The following B4GALT6 variants were observed in gnomAD, a reference collection of about 807,000 sequenced individuals.
B4GALT6 encodes beta-1,4-galactosyltransferase 6.
Under a neutral mutation model 46.3 loss-of-function variants are expected in B4GALT6, and 14 were observed. That is an observed-to-expected ratio of 0.30 (90% CI 0.20 to 0.47). The LOEUF is 0.47. B4GALT6 is among the 20% of genes least tolerant of loss of function. The probability of loss-of-function intolerance (pLI) is 0.99; values close to 1 mark genes in which losing one functional copy is unlikely to be tolerated. For synonymous variants in B4GALT6, 168 were observed against 162.0 expected (o/e 1.04, Z -0.28); for missense variants, 386 against 480.1 (o/e 0.80, Z 1.83).
At position 31,665,645 on chromosome 18, in the gene B4GALT6, G is replaced by T. The variant is rs540514768; in HGVS notation, c.232+611C>A. ...TAATCCCAGCTACTTGGGAGACTGAGGCGTGAGAATGGCGTGAACCTGGTA... is the reference window on the plus strand; with the variant it reads ...TAATCCCAGCTACTTGGGAGACTGATGCGTGAGAATGGCGTGAACCTGGTA... On this transcript the variant is annotated intron_variant, in intron 2 of 8. Coordinates refer to ENST00000306851, the MANE Select transcript of B4GALT6 (RefSeq NM_004775.5). Among the ~76,000 whole-genome samples, 11 of 152,278 alleles carry T rather than the reference G, an allele frequency of 7.2e-5. No homozygotes were observed. In the South Asian group the frequency reaches 2.1e-3, roughly 29 times the overall value.
chr18:31,655,523 G>A (rs1379037796), intron 3 of B4GALT6, among the ~76,000 whole-genome samples: 1 of 152,200 alleles, frequency 6.6e-6, no homozygotes, highest in Non-Finnish European at 1.5e-5. Context: ...AATCTCTCAG[G>A]CACCACAAGA....
At position 31,624,214 on chromosome 18, in the gene B4GALT6, C is replaced by T. The variant is rs2073656549; in HGVS notation, c.*1400G>A. 6.6e-6 allele frequency: 1 copy of T among 151,946 alleles called. No homozygotes were observed. Among genetic ancestry groups the T allele is most frequent in the Non-Finnish European group, 1.5e-5 (1 of 67,882 alleles). The allele number at this position is 151,946 out of a possible 1,614,324, so 9.4% of individuals were successfully genotyped here. On this transcript the variant is annotated 3_prime_UTR_variant, in exon 9 of 9. Coordinates refer to ENST00000306851, the MANE Select transcript of B4GALT6 (RefSeq NM_004775.5). The stretch of plus-strand genomic sequence containing the variant: ...CATGTAAGATATTACATATAGAAGA[C>T]ATTATGGCATCAGTGCACCAAATAA...
chr18:31,676,077 C>T (rs965185157), intron 1 of B4GALT6, among the ~76,000 whole-genome samples: 1 of 152,108 alleles, frequency 6.6e-6, no homozygotes, highest in African/African-American at 2.4e-5. Flanking sequence ...AATTCTCTAC[C>T]TTTGGTCTCT....
At chr18:31,723,453 G>A in the B4GALT6 span, among the ~76,000 whole-genome samples, 2 of 152,150 alleles carry the variant, frequency 1.3e-5, no homozygotes, top group Admixed American at 6.5e-5. Flanking sequence ...GTGCACACAG[G>A]GTAGACCTCT....
At chr18:31,719,158 A>G in the B4GALT6 span, 2 of 152,176 alleles carry the variant, frequency 1.3e-5, no homozygotes, top group Non-Finnish European at 2.9e-5. Flanking sequence ...AGAGATAAAT[A>G]GTTTTCTGCA....
intron 5 of B4GALT6, among the ~76,000 whole-genome samples, chr18:31,638,249 C>T (rs1328280914): frequency 5.3e-5 from 8 of 152,052 alleles, no homozygotes; most frequent in South Asian, 4.1e-4. Context: ...AGAATTTGGC[C>T]GGGCACAGTG....
rs116277520 is a variant in B4GALT6 at position 31,644,613 on chromosome 18, G to A, written c.471+742C>T. ...CATAAATGTTATTTCTTACTCAAAC[G>A]TAGTAACATTAGATGAATATGCACT... On this transcript the variant is annotated intron_variant, in intron 4 of 8. Coordinates refer to ENST00000306851, the MANE Select transcript of B4GALT6 (RefSeq NM_004775.5). 6.0e-3 allele frequency among the ~76,000 whole-genome samples: 917 copies of A among 152,276 alleles called. 6 individuals carry two copies. The highest frequency in any genetic ancestry group is 0.021 in the African/African-American group (868 of 41,564).
intron 4 of B4GALT6, among the ~76,000 whole-genome samples, chr18:31,640,813 C>A (rs945343330): frequency 6.6e-6 from 1 of 152,216 alleles, no homozygotes; most frequent in South Asian, 2.1e-4. Context: ...TGGGCTTCAG[C>A]GCCAATGGCT....
At chr18:31,667,946 A>G (rs907124144) in intron 1 of B4GALT6, among the ~76,000 whole-genome samples, 3 of 152,066 alleles carry the variant, frequency 2.0e-5, no homozygotes, top group Admixed American at 6.5e-5. Flanking sequence ...AATACAAAAA[A>G]ATCAGCTGGA....
At chr18:31,629,559 C>T (rs1243438965) in intron 6 of B4GALT6, among the ~76,000 whole-genome samples, 2 of 133,412 alleles carry the variant, frequency 1.5e-5, no homozygotes, top group Non-Finnish European at 3.1e-5. Context: ...GTGGTAAGAA[C>T]CAGATTGTTG....
intron 6 of B4GALT6, 37 bp downstream of exon 6, chr18:31,630,922 A>G (rs755773107): frequency 5.0e-6 from 8 of 1,598,700 alleles, no homozygotes; most frequent in African/African-American, 1.3e-5. Flanking sequence ...CTGTGCAATT[A>G]TATCGTACAA....
chr18:31,627,762 G>A (rs2073719463), intron 6 of B4GALT6, among the ~76,000 whole-genome samples: 2 of 152,176 alleles, frequency 1.3e-5, no homozygotes, highest in African/African-American at 4.8e-5. Flanking sequence ...CAAGGAATGT[G>A]TCAAACGATG....
chr18:31,710,212 C>T, the B4GALT6 span, among the ~76,000 whole-genome samples: 1 of 151,974 alleles, frequency 6.6e-6, no homozygotes, highest in Non-Finnish European at 1.5e-5. Flanking sequence ...AAAATGAAGT[C>T]CTGCCAAGGC....
At chr18:31,647,678 A>G (rs543467497) in intron 3 of B4GALT6, among the ~76,000 whole-genome samples, 3 of 152,324 alleles carry the variant, frequency 2.0e-5, no homozygotes, top group African/African-American at 7.2e-5. Flanking sequence ...GGGAACAGCG[A>G]AAGTGTGATC....
intron 2 of B4GALT6, 149 bp downstream of exon 2, chr18:31,666,107 G>C (rs943177668): frequency 6.0e-6 from 3 of 499,524 alleles, no homozygotes; most frequent in African/African-American, 1.9e-5. Flanking sequence ...TAACAGTCTT[G>C]ATTTGCACAG....
chr18:31,698,819 C>A, the B4GALT6 span, among the ~76,000 whole-genome samples: 1 of 151,760 alleles, frequency 6.6e-6, no homozygotes, highest in Non-Finnish European at 1.5e-5. Flanking sequence ...CCTGTAAAGC[C>A]CAGCACTTTG....
intron 1 of B4GALT6, among the ~76,000 whole-genome samples, chr18:31,671,918 T>C (rs1448760669): frequency 2.0e-5 from 3 of 152,220 alleles, no homozygotes; most frequent in African/African-American, 7.2e-5. Context: ...ATTTAAAAAA[T>C]AGAAAGAATA....
intron 2 of B4GALT6, 55 bp downstream of exon 2, chr18:31,666,201 A>C: frequency 1.0e-6 from 1 of 1,003,798 alleles, no homozygotes; most frequent in Non-Finnish European, 1.5e-6. Context: ...CAGACTGTAA[A>C]AGATTTGGTT....
chr18:31,634,808 C>T (rs2073837314), intron 5 of B4GALT6, among the ~76,000 whole-genome samples: 1 of 152,190 alleles, frequency 6.6e-6, no homozygotes, highest in Admixed American at 6.5e-5. Flanking sequence ...ATCAAATACA[C>T]AGTCCTGAAT....
Sources: gnomAD v4.1 joint callset for allele counts (sites outside exome capture counted in the v4.1 genomes callset) on GRCh38, gnomAD v4.1.1 for gene constraint, MANE v1.5 for transcripts, NCBI Gene and HGNC (gene_info 2026-07-23, HGNC 2026-07-21) for gene names.